Variants in LEPROT observed in about 807,000 individuals in gnomAD.
LEPROT encodes the protein leptin receptor gene-related protein.
LEPROT carries 3 observed loss-of-function variants against 15.4 expected under a neutral mutation model. The observed-to-expected ratio is 0.19, with a 90% CI of 0.09 to 0.50. LEPROT has a LOEUF of 0.50. LEPROT is among the 20% of genes least tolerant of loss of function. The pLI, the probability that LEPROT is intolerant of heterozygous loss-of-function variation, is 0.97. For synonymous variants in LEPROT, 59 were observed against 57.5 expected, an observed-to-expected ratio of 1.03 and a Z score of -0.12; for missense variants, 137 against 162.2, an observed-to-expected ratio of 0.84 and a Z score of 0.84.
chr1:65,431,817 C>A lies in LEPROT; in HGVS notation c.294C>A (p.Ala98=). 6.2e-7 allele frequency: 1 copy of A among 1,613,634 alleles called. No individual in the cohort carries two copies. Among genetic ancestry groups the A allele is most frequent in the Non-Finnish European group, 8.5e-7 (1 of 1,179,842 alleles). ...LARVAVIKWG[A]CGLVLAGNAV... ...TTGTCTTTCAGATCAAATGGGGAGC[C>A]TGCGGCCTTGTGTTGGCAGGCAATG... Residue 98 remains alanine, a synonymous_variant, in exon 4 of 4, where the codon GCC becomes GCA. Coordinates refer to ENST00000371065, the MANE Select transcript of LEPROT (RefSeq NM_017526.5).
In LEPROT at chr1:65,430,116, C is replaced by T. The variant is rs898736424; in HGVS notation, c.279+68C>T. 3.7e-6 allele frequency: 5 copies of T among 1,338,820 alleles called. No individual in the cohort carries two copies. In the African/African-American group the frequency reaches 5.9e-5, roughly 16 times the overall value. 82.9% of individuals were successfully genotyped at this position (1,338,820 alleles called of 1,614,324 possible). ...TTACTTCAGAGGCCTGTGTCTGGGACCTCCATTTCATGCTCATTACTTAGG... is the reference window on the plus strand; with the variant it reads ...TTACTTCAGAGGCCTGTGTCTGGGATCTCCATTTCATGCTCATTACTTAGG... On this transcript the variant is annotated intron_variant, in intron 3 of 3. Transcript: ENST00000371065.
chr1:65,433,645 T>C lies in LEPROT; in HGVS notation c.*1726T>C. On this transcript the variant is annotated 3_prime_UTR_variant, in exon 4 of 4. Coordinates refer to ENST00000371065, the MANE Select transcript of LEPROT (RefSeq NM_017526.5). ...TTATTTTTTGGCCTTGTTCATGATT[T>C]TATGTTTTCAGTGTCCTGTGTACAT... The C allele has an allele frequency of 1.0e-6, 1 of 985,428 alleles. No individual in the cohort carries two copies. The highest frequency in any genetic ancestry group is 1.1e-4 in the East Asian group (1 of 8,824). The allele number at this position is 985,428 out of a possible 1,614,324, so 61.0% of individuals were successfully genotyped here.
chr1:65,433,491 A>G lies in LEPROT; in HGVS notation c.*1572A>G. 1.0e-6 allele frequency: 1 copy of G among 985,428 alleles called. No individual in the cohort carries two copies. Among genetic ancestry groups the G allele is most frequent in the Non-Finnish European group, 1.2e-6 (1 of 829,904 alleles). 61.0% of individuals were successfully genotyped at this position (985,428 alleles called of 1,614,324 possible). ...AGAATACAACCAATAGTCTTTAAGC[A>G]TTGTTAAAGTATGAAACTGAAATAC... On this transcript the variant is annotated 3_prime_UTR_variant, in exon 4 of 4. Transcript: ENST00000371065.
rs1646492492 is a variant in LEPROT at position 65,432,037 on chromosome 1, T to G, written c.*118T>G. On this transcript the variant is annotated 3_prime_UTR_variant, in exon 4 of 4. Coordinates refer to ENST00000371065, the MANE Select transcript of LEPROT (RefSeq NM_017526.5). ...TGCTGGGTTTTTTAATACCTTTATA[T>G]ATCATGTTCACTTTAAGAAAGACTT... 5 of 1,414,610 alleles carry G rather than the reference T, an allele frequency of 3.5e-6. No homozygotes were observed. In the Admixed American group the frequency reaches 1.2e-4, roughly 33 times the overall value. The allele number at this position is 1,414,610 out of a possible 1,614,324, so 87.6% of individuals were successfully genotyped here. A position where few individuals can be genotyped will look rare whatever the true frequency, so the allele number is the denominator to read the frequency against.
At chr1:65,426,842 C>CA (rs1053395533) in intron 2 of LEPROT, among the ~76,000 whole-genome samples, 10 of 151,942 alleles carry the variant, frequency 6.6e-5, no homozygotes, top group South Asian at 2.1e-4. Flanking sequence ...ACTAAAAATA[C>CA]AAAAAATTAG....
chr1:65,427,435 G>A (rs1002863074), intron 2 of LEPROT, among the ~76,000 whole-genome samples: 1 of 152,152 alleles, frequency 6.6e-6, no homozygotes, highest in Non-Finnish European at 1.5e-5. Context: ...GCCAGGCATG[G>A]TGCCTGTAGC....
chr1:65,431,975 C>A lies in LEPROT; in HGVS notation c.*56C>A. On this transcript the variant is annotated 3_prime_UTR_variant, in exon 4 of 4. Transcript: ENST00000371065. The stretch of plus-strand genomic sequence containing the variant: ...TCTTAGAACTCATACTATCTGTATA[C>A]ATGTGCACATGCGGCATTTTACTAT... The A allele has an allele frequency of 6.5e-7, 1 of 1,540,228 alleles. No individual in the cohort carries two copies. Among genetic ancestry groups the A allele is most frequent in the Non-Finnish European group, 8.7e-7 (1 of 1,146,814 alleles).
At chr1:65,431,454 TGAAA>T (rs952807511) in intron 3 of LEPROT, among the ~76,000 whole-genome samples, 4 of 152,250 alleles carry the variant, frequency 2.6e-5, no homozygotes, top group Non-Finnish European at 5.9e-5. Context: ...TTATTTTCCA[TGAAA>T]GAAGTTGATG....
At chr1:65,427,800 C>T in intron 2 of LEPROT, 1 of 416,680 alleles carries the variant, frequency 2.4e-6, no homozygotes, top group Non-Finnish European at 4.8e-6. Context: ...CAACACCCAG[C>T]TGATTTTTTT....
chr1:65,434,275 A>G lies in LEPROT; in HGVS notation c.*2356A>G. 1 of 983,432 alleles carries G rather than the reference A, an allele frequency of 1.0e-6. No individual in the cohort carries two copies. Among genetic ancestry groups the G allele is most frequent in the Non-Finnish European group, 1.2e-6 (1 of 828,096 alleles). The allele number at this position is 983,432 out of a possible 1,614,324, so 60.9% of individuals were successfully genotyped here. On this transcript the variant is annotated 3_prime_UTR_variant, in exon 4 of 4. Transcript: ENST00000371065. Reference sequence around the variant, plus strand: ...TCTGAATATATAATACAAAAGTTTGATCATGGTGACACAAATGTTGGACAT... The same window carrying G: ...TCTGAATATATAATACAAAAGTTTGGTCATGGTGACACAAATGTTGGACAT...
intron 2 of LEPROT, among the ~76,000 whole-genome samples, chr1:65,426,892 G>A (rs1646385696): frequency 6.6e-6 from 1 of 152,158 alleles, no homozygotes; most frequent in Admixed American, 6.5e-5. Flanking sequence ...CAGCTACTTA[G>A]GAGGCTGAGG....
chr1:65,430,982 TAAA>T (rs1469790039), intron 3 of LEPROT, among the ~76,000 whole-genome samples: 1 of 152,126 alleles, frequency 6.6e-6, no homozygotes, highest in East Asian at 1.9e-4. Flanking sequence ...GTATATAGAA[TAAA>T]GAAGAATCCA....
intron 2 of LEPROT, among the ~76,000 whole-genome samples, chr1:65,428,392 CTG>C (rs1486441767): frequency 1.3e-5 from 2 of 152,202 alleles, no homozygotes; most frequent in Non-Finnish European, 2.9e-5. Context: ...CTTCCCCTCT[CTG>C]TGTCTCCTTT....
At position 65,434,445 on chromosome 1, in the gene LEPROT, T is replaced by C. The variant is rs938669708; in HGVS notation, c.*2526T>C. Reference sequence around the variant, plus strand: ...TCTTATGAAGGGATTCTTTATCATGTTTCAAACAAGTGGGTTACAAGCAGA... The same window carrying C: ...TCTTATGAAGGGATTCTTTATCATGCTTCAAACAAGTGGGTTACAAGCAGA... On this transcript the variant is annotated 3_prime_UTR_variant, in exon 4 of 4. Transcript: ENST00000371065. The C allele has an allele frequency of 1.0e-6, 1 of 985,256 alleles. No homozygotes were observed. Among genetic ancestry groups the C allele is most frequent in the African/African-American group, 1.7e-5 (1 of 57,216 alleles). The allele number at this position is 985,256 out of a possible 1,614,324, so 61.0% of individuals were successfully genotyped here.
chr1:65,427,433 T>TG (rs1646401318), intron 2 of LEPROT, among the ~76,000 whole-genome samples: 1 of 152,088 alleles, frequency 6.6e-6, no homozygotes, highest in Non-Finnish European at 1.5e-5. Flanking sequence ...AAGCCAGGCA[T>TG]GGTGCCTGTA....
intron 3 of LEPROT, among the ~76,000 whole-genome samples, chr1:65,431,503 C>T (rs1440706051): frequency 1.3e-5 from 2 of 152,174 alleles, no homozygotes; most frequent in Admixed American, 6.5e-5. Flanking sequence ...ATTGTAATTG[C>T]ACTATTTATA....
In LEPROT at chr1:65,434,345, A is replaced by C; in HGVS notation, c.*2426A>C. The C allele has an allele frequency of 1.0e-6, 1 of 985,230 alleles. No homozygotes were observed. Among genetic ancestry groups the C allele is most frequent in the Non-Finnish European group, 1.2e-6 (1 of 829,764 alleles). The allele number at this position is 985,230 out of a possible 1,614,324, so 61.0% of individuals were successfully genotyped here. A position where few individuals can be genotyped will look rare whatever the true frequency, so the allele number is the denominator to read the frequency against. On this transcript the variant is annotated 3_prime_UTR_variant, in exon 4 of 4. Transcript: ENST00000371065. The stretch of plus-strand genomic sequence containing the variant: ...TCTTTTTTTATATATTGTACAATAT[A>C]TTTGGAGATTCAGAGCATAGTGACT...
chr1:65,435,104 T>C lies in LEPROT; in HGVS notation c.*3185T>C, dbSNP rs989069077. On this transcript the variant is annotated 3_prime_UTR_variant, in exon 4 of 4. Coordinates refer to ENST00000371065, the MANE Select transcript of LEPROT (RefSeq NM_017526.5). ...CCAGCAGCTTATAGAAGGATAGCAA[T>C]ATTTTGGGACAGGGAAAATCCTGTC... 2.3e-5 allele frequency: 23 copies of C among 985,238 alleles called. No individual in the cohort carries two copies. The highest frequency in any genetic ancestry group is 2.8e-5 in the Non-Finnish European group (23 of 829,946). The allele number at this position is 985,238 out of a possible 1,614,324, so 61.0% of individuals were successfully genotyped here.
Position 65,425,313 on chromosome 1 carries a change from A to G in LEPROT, c.27A>G (p.Ala9=). 6.2e-7 allele frequency: 1 copy of G among 1,612,090 alleles called. No homozygotes were observed. The highest frequency in any genetic ancestry group is 8.5e-7 in the Non-Finnish European group (1 of 1,179,518). Residue 9 remains alanine, a synonymous_variant, in exon 2 of 4, where the codon GCA becomes GCG. Coordinates refer to ENST00000371065, the MANE Select transcript of LEPROT (RefSeq NM_017526.5). MAGVKALV[A]LSFSGAIGLT... ...CTTTATTTTTCACAGCTCTCGTGGC[A>G]TTATCCTTCAGTGGGGCTATTGGAC...
Sources: allele counts gnomAD v4.1 joint callset (sites outside exome capture counted in the v4.1 genomes callset), GRCh38; gene constraint gnomAD v4.1.1; transcripts MANE v1.5; gene names NCBI Gene and HGNC (gene_info 2026-07-23, HGNC 2026-07-21).